EXD3: variants seen among roughly 807,000 people sequenced by gnomAD.
EXD3 encodes exonuclease 3'-5' domain containing 3, also known as exonuclease mut-7 homolog.
A neutral mutation model predicts 98.0 loss-of-function variants in EXD3; 92 were observed. The observed-to-expected ratio is 0.94, with a 90% CI of 0.79 to 1.12. The LOEUF is 1.12. Ranked by LOEUF, EXD3 falls within the 50% of genes most tolerant of loss-of-function variation. The probability of loss-of-function intolerance (pLI) is 0.00; values close to 1 mark genes in which losing one functional copy is unlikely to be tolerated. For synonymous variants in EXD3, 569 were observed against 526.0 expected, an observed-to-expected ratio of 1.08 and a Z score of -1.12; for missense variants, 1,222 against 1,191.6, an observed-to-expected ratio of 1.03 and a Z score of -0.38.
In EXD3 at chr9:137,373,578, C is replaced by A. The variant is rs1192284347; in HGVS notation, c.142G>T (p.Gly48Trp). ...AGGGGGTCGTCCAAGGCAGCAAACC[C>A]CCGCCAGGCTTCCTCCCGGAGCTGT... ...RKQLREEAWR[G>W]FAALDDPLAG... The change falls in exon 4 of 22, where the codon GGG (glycine) becomes TGG (tryptophan). Residue 48 changes from glycine (G) to tryptophan (W), a missense_variant. Gly to Trp is a radical substitution (Grantham distance 184, BLOSUM62 -2). Coordinates refer to ENST00000340951, the MANE Select transcript of EXD3 (RefSeq NM_017820.5). 11 of 1,602,810 alleles carry A rather than the reference C, an allele frequency of 6.9e-6. No individual in the cohort carries two copies. Among genetic ancestry groups the A allele is most frequent in the Non-Finnish European group, 9.4e-6 (11 of 1,175,500 alleles).
chr9:137,417,032 C>T (rs906421881), intron 1 of EXD3, among the ~76,000 whole-genome samples: 6 of 152,210 alleles, frequency 3.9e-5, no homozygotes, highest in Non-Finnish European at 8.8e-5. Context: ...TCCTCGGCCT[C>T]CCTGTGGGCC....
chr9:137,319,229 C>A lies in EXD3; in HGVS notation c.2184+4496G>T, dbSNP rs866243920. On this transcript the variant is annotated intron_variant, in intron 19 of 21. Coordinates refer to ENST00000340951, the MANE Select transcript of EXD3 (RefSeq NM_017820.5). ...TCTGCTGGCTAGTGATGGCCAGCAG[C>A]CCTCTGGTGTCCAGATGGGTCATAG... Among the ~76,000 whole-genome samples the A allele has an allele frequency of 2.6e-5, 4 of 152,242 alleles. No homozygotes were observed. The South Asian group carries it at 8.3e-4, about 31-fold the overall frequency.
In EXD3 at chr9:137,351,402, A is replaced by G. The variant is rs1450198243; in HGVS notation, c.1300T>C (p.Ser434Pro). The change falls in exon 13 of 22, where the codon TCG becomes CCG. Residue 434 changes from serine to proline, a missense_variant. By Grantham distance (74) the Ser-to-Pro change is moderately conservative. Coordinates refer to ENST00000340951, the MANE Select transcript of EXD3 (RefSeq NM_017820.5). ...HVFLLDVLALSQPPTGQGAQA... is the reference protein window; with the variant it reads ...HVFLLDVLALPQPPTGQGAQA... ...GCTCCCTGCCCTGTTGGTGGCTGCGAGAGTGCCAGGACGTCCAGAAGGAAC... is the reference window on the plus strand; with the variant it reads ...GCTCCCTGCCCTGTTGGTGGCTGCGGGAGTGCCAGGACGTCCAGAAGGAAC... The G allele has an allele frequency of 6.2e-7, 1 of 1,610,172 alleles. No homozygotes were observed. The highest frequency in any genetic ancestry group is 2.2e-5 in the East Asian group (1 of 44,792).
intron 3 of EXD3, among the ~76,000 whole-genome samples, chr9:137,378,596 G>C (rs184842878): frequency 6.6e-6 from 1 of 152,230 alleles, no homozygotes; most frequent in Non-Finnish European, 1.5e-5. Context: ...GCCAGAGGTG[G>C]AGATGGCGCA....
intron 8 of EXD3, among the ~76,000 whole-genome samples, chr9:137,355,577 A>G (rs111546977): frequency 1.3e-4 from 5 of 37,200 alleles, no homozygotes; most frequent in Non-Finnish European, 1.8e-4. Context: ...GGATGGAGGA[A>G]GGAGGAAGGA....
At chr9:137,416,337 A>G (rs1838226772) in intron 1 of EXD3, among the ~76,000 whole-genome samples, 1 of 152,204 alleles carries the variant, frequency 6.6e-6, no homozygotes. Flanking sequence ...TGGGGCCCTC[A>G]CGACCTATCT....
intron 19 of EXD3, among the ~76,000 whole-genome samples, chr9:137,315,864 C>T (rs1831620506): frequency 6.6e-6 from 1 of 151,788 alleles, no homozygotes; most frequent in South Asian, 2.1e-4. Flanking sequence ...AGAAGCCGGG[C>T]CACACAGGGT....
chr9:137,421,706 C>A (rs973091553), intron 1 of EXD3, among the ~76,000 whole-genome samples: 1 of 152,144 alleles, frequency 6.6e-6, no homozygotes, highest in East Asian at 1.9e-4. Flanking sequence ...GTCCTGGTGG[C>A]AAACACCTGT....
intron 1 of EXD3, among the ~76,000 whole-genome samples, chr9:137,412,854 G>C (rs549114092): frequency 6.6e-6 from 1 of 150,616 alleles, no homozygotes; most frequent in South Asian, 2.1e-4. Flanking sequence ...CACGGCTCAC[G>C]GCAGCCTCAA....
intron 1 of EXD3, among the ~76,000 whole-genome samples, chr9:137,404,596 C>T (rs1055631713): frequency 3.9e-5 from 6 of 152,246 alleles, no homozygotes; most frequent in African/African-American, 1.4e-4. Flanking sequence ...CGCGGTGGCT[C>T]ATGCCTATAA....
chr9:137,351,627 G>C (rs770992060), intron 12 of EXD3, 99 bp from the exon 13 acceptor site: 70 of 1,142,336 alleles, frequency 6.1e-5, no homozygotes, highest in Non-Finnish European at 8.2e-5. Context: ...CTTGGGCTTC[G>C]GGGAGACGCC....
intron 7 of EXD3, among the ~76,000 whole-genome samples, chr9:137,359,042 G>A (rs1389130206): frequency 1.6e-5 from 2 of 125,994 alleles, no homozygotes; most frequent in African/African-American, 2.7e-5. Flanking sequence ...CGCCTCCTGG[G>A]TTCATGCCAT....
intron 1 of EXD3, among the ~76,000 whole-genome samples, chr9:137,398,426 T>C (rs73565505): frequency 0.015 from 2,320 of 152,304 alleles, 53 homozygotes; most frequent in African/African-American, 0.052. Flanking sequence ...GGGAGCACCT[T>C]TTCCAGGAGC....
chr9:137,406,782 C>T (rs1236840277), intron 1 of EXD3, among the ~76,000 whole-genome samples: 1 of 152,138 alleles, frequency 6.6e-6, no homozygotes, highest in Non-Finnish European at 1.5e-5. Context: ...CTCTCCCCAG[C>T]CCTCCTCTGG....
chr9:137,308,564 G>A (rs566733244), intron 20 of EXD3, among the ~76,000 whole-genome samples: 4 of 151,968 alleles, frequency 2.6e-5, no homozygotes, highest in South Asian at 2.1e-4. Flanking sequence ...CTCGCTCTCC[G>A]GGGTGTGCTC....
chr9:137,366,502 T>C lies in EXD3; in HGVS notation c.647A>G (p.Asp216Gly), dbSNP rs1588358574. Residue 216 changes from aspartate (D) to glycine (G), a missense_variant, in exon 7 of 22, where the codon GAC becomes GGC. Coordinates refer to ENST00000340951, the MANE Select transcript of EXD3 (RefSeq NM_017820.5). ...SWCQPGFDIK[D>G]VARRYPEVTS... ...GCCCCACGGGACTCACCTGGCAACG[T>C]CCTTGATGTCAAAGCCGGGCTGGCA... 1 of 1,550,520 alleles carries C rather than the reference T, an allele frequency of 6.4e-7. No individual in the cohort carries two copies. The highest frequency in any genetic ancestry group is 1.4e-5 in the African/African-American group (1 of 72,976).
At position 137,405,600 on chromosome 9, in the gene EXD3, G is replaced by C. The variant is rs1448923381; in HGVS notation, c.-47-10196C>G. 6.6e-6 allele frequency among the ~76,000 whole-genome samples: 1 copy of C among 152,266 alleles called. No individual in the cohort carries two copies. The highest frequency in any genetic ancestry group is 1.5e-5 in the Non-Finnish European group (1 of 68,050). ...TCTGGGCTGAGAGGCAGAAGGCTCA[G>C]GCACAGCTCCCACTCTGTAAGGCAG... On this transcript the variant is annotated intron_variant, in intron 1 of 21. Coordinates refer to ENST00000340951, the MANE Select transcript of EXD3 (RefSeq NM_017820.5). The surrounding 1 kb of genome is among the most constrained non-coding windows in gnomAD (Gnocchi z 4.1).
At chr9:137,332,123 T>C (rs1339232027) in intron 17 of EXD3, among the ~76,000 whole-genome samples, 2 of 152,118 alleles carry the variant, frequency 1.3e-5, no homozygotes, top group Non-Finnish European at 2.9e-5. Flanking sequence ...CCCATGGTCA[T>C]GAATTGGAGG....
chr9:137,337,973 C>T (rs1484730483), intron 17 of EXD3, among the ~76,000 whole-genome samples: 1 of 151,916 alleles, frequency 6.6e-6, no homozygotes, highest in Non-Finnish European at 1.5e-5. Context: ...ATTTTTAGTA[C>T]AGACAGGGTT....
Sources: allele counts gnomAD v4.1 joint callset (sites outside exome capture counted in the v4.1 genomes callset), GRCh38; gene constraint gnomAD v4.1.1; non-coding constraint Gnocchi (gnomAD v3.1); transcripts MANE v1.5; gene names NCBI Gene and HGNC (gene_info 2026-07-23, HGNC 2026-07-21).